The following BIRC6 variants were observed in gnomAD, a reference collection of about 807,000 sequenced individuals.
The protein encoded by BIRC6 is dual E2 ubiquitin-conjugating enzyme/E3 ubiquitin-protein ligase BIRC6.
In BIRC6, 98 loss-of-function variants were observed where a neutral mutation model predicts 503.3. That is an observed-to-expected ratio of 0.19 (90% CI 0.17 to 0.23). The LOEUF (loss-of-function observed/expected upper bound fraction) is 0.23, where lower values mean the gene tolerates loss of function less well. Among genes scored for constraint, BIRC6 ranks in the 10% least tolerant of loss-of-function variants. BIRC6 has a pLI of 1.00. For synonymous variants in BIRC6, 2,240 were observed against 2,078.7 expected (o/e 1.08, Z -2.11); for missense variants, 5,360 against 5,806.0 (o/e 0.92, Z 2.50).
At chr2:32,394,709 C>T (rs986770866) in intron 5 of BIRC6, among the ~76,000 whole-genome samples, 5 of 152,168 alleles carry the variant, frequency 3.3e-5, no homozygotes, top group Non-Finnish European at 5.9e-5. Context: ...TGAAACACTT[C>T]TGTAGTTCCA....
At chr2:32,465,752 AG>A (rs2048476262) in intron 26 of BIRC6, among the ~76,000 whole-genome samples, 1 of 152,236 alleles carries the variant, frequency 6.6e-6, no homozygotes, top group Admixed American at 6.5e-5. Context: ...TAGCAGCAGT[AG>A]AATTCAACAA....
chr2:32,574,160 CTT>C (rs1055060322), intron 65 of BIRC6, among the ~76,000 whole-genome samples: 71 of 124,672 alleles, frequency 5.7e-4, no homozygotes, highest in Admixed American at 7.5e-4. Context: ...ATAACTTTTT[CTT>C]TTTTTTTTTT....
Position 32,357,440 on chromosome 2 carries a change from C to T in BIRC6, c.279C>T (p.Val93=), listed in dbSNP as rs1212820987. The T allele has an allele frequency of 6.5e-7, 1 of 1,550,228 alleles. No individual in the cohort carries two copies. Among genetic ancestry groups the T allele is most frequent in the Non-Finnish European group, 8.7e-7 (1 of 1,147,038 alleles). The change falls in exon 1 of 74, where the codon GTC becomes GTT. Residue 93 remains valine (V), a synonymous_variant. Coordinates refer to ENST00000421745, the MANE Select transcript of BIRC6 (RefSeq NM_016252.4). This position sits in a 1 kb window ranked among gnomAD's most constrained non-coding sequence, Gnocchi z 4.9. Reference sequence around the variant, plus strand: ...TCACTAGCCGCGGGACCATCAAAGTCATCGACGGCACCTCGGGGGCCACAC... The same window carrying T: ...TCACTAGCCGCGGGACCATCAAAGTTATCGACGGCACCTCGGGGGCCACAC... The part of the protein sequence containing the change: ...LAVTSRGTIK[V]IDGTSGATLQ...
chr2:32,515,692 A>G lies in BIRC6; in HGVS notation c.11271A>G (p.Thr3757=), dbSNP rs768719915. Reference sequence around the variant, plus strand: ...CAGGACTGACTACTCAACAGCGCACAGCAATTGAGAATGCAACTGTTGCGT... The same window carrying G: ...CAGGACTGACTACTCAACAGCGCACGGCAATTGAGAATGCAACTGTTGCGT... ...ATTGLTTQQR[T]AIENATVAFF... The change falls in exon 55 of 74, where the codon ACA becomes ACG. Residue 3757 remains threonine, a synonymous_variant. Transcript: ENST00000421745. 5 of 1,604,988 alleles carry G rather than the reference A, an allele frequency of 3.1e-6. No individual in the cohort carries two copies. In the African/African-American group the frequency reaches 4.0e-5, roughly 13 times the overall value.
intron 73 of BIRC6, among the ~76,000 whole-genome samples, chr2:32,614,287 A>G (rs1003038791): frequency 8.5e-5 from 13 of 152,196 alleles, no homozygotes; most frequent in Non-Finnish European, 1.5e-4. Context: ...TCCTTGTACC[A>G]GGTTCTCCCC....
chr2:32,499,444 T>C, intron 45 of BIRC6, 103 bp from the exon 46 acceptor site: 1 of 1,013,890 alleles, frequency 9.9e-7, no homozygotes, highest in Non-Finnish European at 1.4e-6. Context: ...TGTGATAAGT[T>C]ACTACTTTCA....
intron 4 of BIRC6, among the ~76,000 whole-genome samples, chr2:32,391,490 C>A (rs1309844953): frequency 6.6e-6 from 1 of 152,124 alleles, no homozygotes; most frequent in Non-Finnish European, 1.5e-5. Context: ...GTTTAAAAAC[C>A]TGAATACAAC....
In BIRC6 at chr2:32,442,891, G is replaced by C. The variant is rs190444291; in HGVS notation, c.4238+436G>C. On this transcript the variant is annotated intron_variant, in intron 19 of 73. Transcript: ENST00000421745. ...AGAACAGTCTGCCCTGATCCCCAGG[G>C]CATGTGTCCCAAGACCCCTCCCCTC... Among the ~76,000 whole-genome samples, 1,112 of 152,096 alleles carry C rather than the reference G, an allele frequency of 7.3e-3. 7 individuals carry two copies. The highest frequency in any genetic ancestry group is 0.02 in the Middle Eastern group (6 of 294).
chr2:32,468,483 G>T lies in BIRC6; in HGVS notation c.5827G>T (p.Asp1943Tyr), dbSNP rs1378875190. ...TCTGGAAACCCTTTTGCAAAGTATTGATCTTCCTCCTCTAAACAGTGCTAA... is the reference window on the plus strand; with the variant it reads ...TCTGGAAACCCTTTTGCAAAGTATTTATCTTCCTCCTCTAAACAGTGCTAA... ...HRLETLLQSI[D>Y]LPPLNSANNA... Residue 1943 changes from aspartate to tyrosine, a missense_variant, in exon 29 of 74, where the codon GAT (aspartate) becomes TAT (tyrosine). This residue lies in a region of BIRC6 where 2,299 missense variants were observed against 2,267.2 expected (regional missense o/e 1.01). Transcript: ENST00000421745. 1.2e-6 allele frequency: 2 copies of T among 1,606,940 alleles called. No individual in the cohort carries two copies. The highest frequency in any genetic ancestry group is 2.2e-5 in the South Asian group (2 of 90,674).
At chr2:32,553,463 C>G (rs1050693546) in intron 65 of BIRC6, among the ~76,000 whole-genome samples, 1 of 151,900 alleles carries the variant, frequency 6.6e-6, no homozygotes, top group African/African-American at 2.4e-5. Context: ...TCTTGGCTCA[C>G]AGCAACCTCC....
At chr2:32,409,021 C>T (rs2041561063) in intron 9 of BIRC6, among the ~76,000 whole-genome samples, 1 of 152,092 alleles carries the variant, frequency 6.6e-6, no homozygotes, top group African/African-American at 2.4e-5. Context: ...CCTGAAGTAT[C>T]TAAAAAGTGA....
intron 32 of BIRC6, among the ~76,000 whole-genome samples, chr2:32,472,718 T>C (rs1019080024): frequency 7.2e-5 from 11 of 152,206 alleles, no homozygotes; most frequent in Non-Finnish European, 1.2e-4. Flanking sequence ...AGTTATTAGT[T>C]AAATTATTGA....
chr2:32,608,472 T>C (rs1189182090), intron 72 of BIRC6, among the ~76,000 whole-genome samples: 1 of 152,086 alleles, frequency 6.6e-6, no homozygotes, highest in East Asian at 1.9e-4. Flanking sequence ...TGGAGTGCAA[T>C]GGCATGATCT....
chr2:32,591,074 A>G (rs2061355864), intron 66 of BIRC6: 2 of 710,150 alleles, frequency 2.8e-6, no homozygotes, highest in Middle Eastern at 7.1e-4. Flanking sequence ...TTAATGTCAG[A>G]CAATGACTAG....
Position 32,597,814 on chromosome 2 carries a change from A to G in BIRC6, c.13676A>G (p.Tyr4559Cys), listed in dbSNP as rs1408711669. 5 of 1,613,796 alleles carry G rather than the reference A, an allele frequency of 3.1e-6. No individual in the cohort carries two copies. The highest frequency in any genetic ancestry group is 1.1e-5 in the South Asian group (1 of 91,082). ...TTGGGATTTAAAGTAAATTACCACT[A>G]CATGTCTCAGGTGAAAAATGCTAAT... ...GKLGFKVNYHYMSQVKNANDA... is the reference protein window; with the variant it reads ...GKLGFKVNYHCMSQVKNANDA... Residue 4559 changes from tyrosine to cysteine, a missense_variant, in exon 69 of 74, where the codon TAC (tyrosine) becomes TGC (cysteine). Physicochemically the swap from Tyr to Cys is radical, Grantham distance 194. Transcript: ENST00000421745.
At chr2:32,362,235 A>C (rs2034211585) in intron 1 of BIRC6, among the ~76,000 whole-genome samples, 1 of 151,818 alleles carries the variant, frequency 6.6e-6, no homozygotes, top group Non-Finnish European at 1.5e-5. Context: ...CCTTTTTTAA[A>C]ATTGTAATTT....
intron 35 of BIRC6, among the ~76,000 whole-genome samples, chr2:32,478,322 C>A (rs1331940645): frequency 6.6e-6 from 1 of 151,928 alleles, no homozygotes; most frequent in Non-Finnish European, 1.5e-5. Context: ...TGGCGACAGA[C>A]CGAGACTGTC....
rs1391474735 is a variant in BIRC6 at position 32,357,501 on chromosome 2, C to T, written c.325+15C>T. On this transcript the variant is annotated intron_variant, in intron 1 of 73. Coordinates refer to ENST00000421745, the MANE Select transcript of BIRC6 (RefSeq NM_016252.4). This position sits in a 1 kb window ranked among gnomAD's most constrained non-coding sequence, Gnocchi z 4.9. The stretch of plus-strand genomic sequence containing the variant: ...CGCGCTCAGTGGTGAGTCTTCCGCA[C>T]GCCGGGCGGGCGCGAAGCCGGGGAA... The T allele has an allele frequency of 2.6e-6, 4 of 1,537,648 alleles. No individual in the cohort carries two copies. Among genetic ancestry groups the T allele is most frequent in the African/African-American group, 2.8e-5 (2 of 71,476 alleles).
Position 32,415,089 on chromosome 2 carries a change from G to A in BIRC6, c.1798G>A (p.Glu600Lys). ...SLDGLSRTQGESISEQGSTDN... is the reference protein window; with the variant it reads ...SLDGLSRTQGKSISEQGSTDN... Reference sequence around the variant, plus strand: ...GGATGGTTTAAGCAGAACTCAGGGTGAAAGTATATCAGAACAAGGGTCAAC... The same window carrying A: ...GGATGGTTTAAGCAGAACTCAGGGTAAAAGTATATCAGAACAAGGGTCAAC... Residue 600 changes from glutamate (E) to lysine (K), a missense_variant, in exon 10 of 74, where the codon GAA becomes AAA. By Grantham distance (56) the Glu-to-Lys change is moderately conservative. Transcript: ENST00000421745. 1 of 1,613,852 alleles carries A rather than the reference G, an allele frequency of 6.2e-7. No homozygotes were observed. Among genetic ancestry groups the A allele is most frequent in the Non-Finnish European group, 8.5e-7 (1 of 1,179,830 alleles).
Sources: gnomAD v4.1 joint callset for allele counts (sites outside exome capture counted in the v4.1 genomes callset) on GRCh38, gnomAD v4.1.1 for gene constraint, gnomAD v4.1.1 regional missense constraint, Gnocchi (gnomAD v3.1) non-coding constraint, MANE v1.5 for transcripts, NCBI Gene and HGNC (gene_info 2026-07-23, HGNC 2026-07-21) for gene names.